The following TMEM150C variants were observed in gnomAD, a reference collection of about 807,000 sequenced individuals.
The protein encoded by TMEM150C is transmembrane protein 150C.
A neutral mutation model predicts 29.9 loss-of-function variants in TMEM150C; 10 were observed. That is an observed-to-expected ratio of 0.33 (90% CI 0.21 to 0.57). TMEM150C has a LOEUF of 0.57. TMEM150C is among the 20% of genes least tolerant of loss of function. The pLI, the probability that TMEM150C is intolerant of heterozygous loss-of-function variation, is 0.88. For missense variants in TMEM150C, 251 were observed against 303.6 expected (o/e 0.83, Z 1.29); for synonymous variants, 101 against 112.5 (o/e 0.90, Z 0.64).
In TMEM150C at chr4:82,541,492, T is replaced by C. The variant is rs1282142487; in HGVS notation, c.-11+20414A>G. Among the ~76,000 whole-genome samples, 6 of 152,212 alleles carry C rather than the reference T, an allele frequency of 3.9e-5. No individual in the cohort carries two copies. In the East Asian group the frequency reaches 1.2e-3, roughly 29 times the overall value. On this transcript the variant is annotated intron_variant, in intron 1 of 7. Coordinates refer to ENST00000449862, the MANE Select transcript of TMEM150C (RefSeq NM_001080506.3). ...AGGATGTTGATTATAATGATGGATG[T>C]ACTATGTCTGTACTCTAGCAACAAC...
At chr4:82,490,782 TTTAA>T (rs1230944348) in intron 6 of TMEM150C, 8 of 417,346 alleles carry the variant, frequency 1.9e-5, no homozygotes, top group South Asian at 1.7e-4. Context: ...TTTGTATTAC[TTTAA>T]TTGTTTTTTA....
At chr4:82,488,040 C>G (rs193290142) in intron 7 of TMEM150C, among the ~76,000 whole-genome samples, 2 of 152,208 alleles carry the variant, frequency 1.3e-5, no homozygotes, top group African/African-American at 4.8e-5. Flanking sequence ...ACCCACCACC[C>G]AAGCAGTGTA....
intron 1 of TMEM150C, among the ~76,000 whole-genome samples, chr4:82,541,496 A>G (rs1725201279): frequency 2.0e-5 from 3 of 152,230 alleles, no homozygotes; most frequent in Admixed American, 2.0e-4. Context: ...TGGATGTACT[A>G]TGTCTGTACT....
At chr4:82,493,382 T>C (rs981539350) in intron 6 of TMEM150C, among the ~76,000 whole-genome samples, 2 of 152,172 alleles carry the variant, frequency 1.3e-5, no homozygotes, top group African/African-American at 2.4e-5. Context: ...AAAAAGATAA[T>C]ATAGTTACAT....
chr4:82,561,077 G>A (rs1033860631), intron 1 of TMEM150C, among the ~76,000 whole-genome samples: 1 of 151,404 alleles, frequency 6.6e-6, no homozygotes, highest in Non-Finnish European at 1.5e-5. Flanking sequence ...AAAGTGCTGT[G>A]GGGGTAGGGG....
intron 1 of TMEM150C, among the ~76,000 whole-genome samples, chr4:82,504,881 A>G (rs1326355351): frequency 6.6e-6 from 1 of 151,878 alleles, no homozygotes; most frequent in Non-Finnish European, 1.5e-5. Flanking sequence ...GTACAAAACA[A>G]TAGCCGGGCG....
rs71666742 is a variant in TMEM150C at position 82,492,864 on chromosome 4, G to GTGTA, written c.364-2627_364-2626insTACA. On this transcript the variant is annotated intron_variant, in intron 6 of 7. Transcript: ENST00000449862. The stretch of plus-strand genomic sequence containing the variant: ...CATCAAACCTAGCGTATATGTTTGT[G>GTGTA]TATATATATATATATATATATATAT... Among the ~76,000 whole-genome samples the GTGTA allele has an allele frequency of 2.8e-3, 255 of 90,250 alleles. 4 individuals are homozygous for GTGTA. The highest frequency in any genetic ancestry group is 0.018 in the South Asian group (48 of 2,624). The allele number at this position is 90,250 out of a possible 152,430, so 59.2% of individuals were successfully genotyped here. A position where few individuals can be genotyped will look rare whatever the true frequency, so the allele number is the denominator to read the frequency against.
intron 1 of TMEM150C, among the ~76,000 whole-genome samples, chr4:82,538,627 T>C (rs764093531): frequency 2.6e-4 from 39 of 152,064 alleles, no homozygotes; most frequent in Non-Finnish European, 4.7e-4. Context: ...AAATAGAAAA[T>C]AGCATATGTC....
At chr4:82,495,452 G>A (rs555055048) in intron 6 of TMEM150C, 13 of 345,582 alleles carry the variant, frequency 3.8e-5, no homozygotes, top group South Asian at 1.3e-4. Context: ...AAAAAGAAAA[G>A]TTTGCGGATT....
chr4:82,541,875 C>T (rs1300330535), intron 1 of TMEM150C, among the ~76,000 whole-genome samples: 1 of 152,112 alleles, frequency 6.6e-6, no homozygotes, highest in East Asian at 1.9e-4. Flanking sequence ...ACTTATGGTT[C>T]CCATAATAGT....
chr4:82,519,377 A>G (rs1724402270), intron 1 of TMEM150C, among the ~76,000 whole-genome samples: 1 of 151,726 alleles, frequency 6.6e-6, no homozygotes, highest in Non-Finnish European at 1.5e-5. Flanking sequence ...AGATAGTAAC[A>G]AACTCTATAT....
chr4:82,548,961 C>G (rs1299316913), intron 1 of TMEM150C, among the ~76,000 whole-genome samples: 1 of 152,116 alleles, frequency 6.6e-6, no homozygotes, highest in Admixed American at 6.5e-5. Context: ...GGCAAGTGCC[C>G]CATCCTGGGG....
At chr4:82,525,424 C>CA (rs1224770411) in intron 1 of TMEM150C, among the ~76,000 whole-genome samples, 2 of 152,192 alleles carry the variant, frequency 1.3e-5, no homozygotes, top group Middle Eastern at 3.4e-3. Context: ...CAAGTGGCTA[C>CA]AAACCAGAAA....
chr4:82,493,691 C>T (rs1473641529), intron 6 of TMEM150C, among the ~76,000 whole-genome samples: 1 of 152,212 alleles, frequency 6.6e-6, no homozygotes, highest in Non-Finnish European at 1.5e-5. Context: ...GAGCACTTTA[C>T]AACATGCCTG....
intron 1 of TMEM150C, among the ~76,000 whole-genome samples, chr4:82,541,592 A>T (rs1725203897): frequency 6.6e-6 from 1 of 152,228 alleles, no homozygotes; most frequent in African/African-American, 2.4e-5. Context: ...CAAAGAGATG[A>T]CTTGAAATGT....
intron 1 of TMEM150C, among the ~76,000 whole-genome samples, chr4:82,552,759 G>A (rs148878606): frequency 8.5e-5 from 13 of 152,308 alleles, no homozygotes; most frequent in Non-Finnish European, 1.8e-4. Flanking sequence ...CCATGGTTGA[G>A]AACCTCTGCC....
intron 1 of TMEM150C, among the ~76,000 whole-genome samples, chr4:82,533,391 G>T (rs1724913825): frequency 1.3e-5 from 2 of 151,994 alleles, no homozygotes; most frequent in Admixed American, 1.3e-4. Flanking sequence ...TTTTTTATAG[G>T]CTATTTCTGA....
intron 7 of TMEM150C, among the ~76,000 whole-genome samples, chr4:82,486,075 T>C (rs1341669032): frequency 1.3e-5 from 2 of 152,074 alleles, no homozygotes; most frequent in East Asian, 3.9e-4. Context: ...TGAGACCAAA[T>C]GGGTAAGTAA....
At chr4:82,499,719 C>CAAAAAAAAAAAAAAAA (rs1197264258) in intron 5 of TMEM150C, among the ~76,000 whole-genome samples, 2 of 40,298 alleles carry the variant, frequency 5.0e-5, no homozygotes, top group East Asian at 8.3e-4. Context: ...ACTCCGTCTC[C>CAAAAAAAAAAAAAAAA]AAAAAAAAAA....
Sources: allele counts gnomAD v4.1 joint callset (sites outside exome capture counted in the v4.1 genomes callset), GRCh38; gene constraint gnomAD v4.1.1; transcripts MANE v1.5; gene names NCBI Gene and HGNC (gene_info 2026-07-23, HGNC 2026-07-21).